Variants in ZFHX3 observed in about 807,000 individuals in gnomAD.
ZFHX3 encodes zinc finger homeobox protein 3.
ZFHX3 carries 42 observed loss-of-function variants against 279.1 expected under a neutral mutation model. The ratio of observed to expected loss-of-function variants is 0.15; its 90% CI spans 0.12 to 0.19. The LOEUF is 0.19. ZFHX3 is among the 10% of genes least tolerant of loss of function. The pLI is 1.00. For missense variants in ZFHX3, 4,981 were observed against 4,754.0 expected (o/e 1.05, Z -1.40); for synonymous variants, 2,293 against 1,957.8 (o/e 1.17, Z -4.52).
chr16:73,682,888 A>AAGAGAAAGAAAGAAAGAGAGAAAGAAAG (rs1164488909), intron 1 of ZFHX3, among the ~76,000 whole-genome samples: 1 of 27,528 alleles, frequency 3.6e-5, no homozygotes, highest in African/African-American at 1.1e-4. Context: ...GAAAGAAAGA[A>AAGAGAAAGAAAGAAAGAGAGAAAGAAAG]AGAAAGAAAG....
intron 5 of ZFHX3, among the ~76,000 whole-genome samples, chr16:73,183,052 A>G (rs1456638723): frequency 6.6e-6 from 1 of 152,066 alleles, no homozygotes; most frequent in Non-Finnish European, 1.5e-5. Flanking sequence ...TAAAAATACA[A>G]AATTTAGCGG....
intron 2 of ZFHX3, among the ~76,000 whole-genome samples, chr16:73,485,021 A>G (rs1393561778): frequency 6.6e-6 from 1 of 152,226 alleles, no homozygotes; most frequent in African/African-American, 2.4e-5. Flanking sequence ...CAGAGACACG[A>G]CTATAAAAGG....
At chr16:73,336,984 C>T (rs2015925508) in intron 3 of ZFHX3, among the ~76,000 whole-genome samples, 1 of 152,156 alleles carries the variant, frequency 6.6e-6, no homozygotes, top group African/African-American at 2.4e-5. Flanking sequence ...CTACAAGGTT[C>T]CCTGGACTCC....
chr16:73,115,654 G>A (rs567813535), intron 7 of ZFHX3, among the ~76,000 whole-genome samples: 1 of 152,272 alleles, frequency 6.6e-6, no homozygotes, highest in African/African-American at 2.4e-5. Context: ...CTCCTCAAGG[G>A]CAGGCGTAGG....
At chr16:73,118,005 C>T (rs1966451817) in intron 7 of ZFHX3, among the ~76,000 whole-genome samples, 1 of 152,170 alleles carries the variant, frequency 6.6e-6, no homozygotes, top group African/African-American at 2.4e-5. Flanking sequence ...TTTGTTATGG[C>T]AGCCTGAACT....
At chr16:72,996,117 CA>C (rs1294008529) in intron 1 of ZFHX3, among the ~76,000 whole-genome samples, 1 of 151,754 alleles carries the variant, frequency 6.6e-6, no homozygotes, top group African/African-American at 2.4e-5. Context: ...AACACACACA[CA>C]CACACACACA....
chr16:73,682,773 G>C (rs193014796), intron 1 of ZFHX3, among the ~76,000 whole-genome samples: 1,480 of 146,958 alleles, frequency 0.01, 35 homozygotes, highest in African/African-American at 0.037. Context: ...GGCAACAAGA[G>C]TGAAACTTCA....
chr16:73,889,599 G>T (rs2030461669), intron 1 of ZFHX3, among the ~76,000 whole-genome samples: 3 of 151,948 alleles, frequency 2.0e-5, no homozygotes, highest in Admixed American at 2.0e-4. Flanking sequence ...ATAATGAACC[G>T]CATTGTTTTA....
chr16:73,881,486 C>CCCCCA (rs1555506570), intron 1 of ZFHX3, among the ~76,000 whole-genome samples: 1 of 80,688 alleles, frequency 1.2e-5, no homozygotes, highest in Non-Finnish European at 3.4e-5. Context: ...CTCTGCCCCC[C>CCCCCA]CCCCCCACTC....
chr16:73,432,765 C>T (rs1019422627), intron 3 of ZFHX3, among the ~76,000 whole-genome samples: 31 of 139,242 alleles, frequency 2.2e-4, no homozygotes, highest in African/African-American at 6.9e-4. Flanking sequence ...ATCTTAGAAT[C>T]GCTCTGTGTG....
In ZFHX3 at chr16:72,849,291, G is replaced by A. The variant is rs923950533; in HGVS notation, c.3449-19432C>T. On this transcript the variant is annotated intron_variant, in intron 4 of 9. Transcript: ENST00000268489. Reference sequence around the variant, plus strand: ...TGCGTGGGAAAGCTCTGCAGCCAGAGGAGCTGCAAGAGAAAAACGTGGCTT... The same window carrying A: ...TGCGTGGGAAAGCTCTGCAGCCAGAAGAGCTGCAAGAGAAAAACGTGGCTT... Among the ~76,000 whole-genome samples, 11 of 152,278 alleles carry A rather than the reference G, an allele frequency of 7.2e-5. No individual in the cohort carries two copies. In the East Asian group the frequency reaches 1.2e-3, roughly 16 times the overall value.
Position 73,227,848 on chromosome 16 carries a change from C to CAAAAAAAAAAAA in ZFHX3, c.-1104+29187_-1104+29198dup, listed in dbSNP as rs398029895. ...TGAGCAACAGAGCAAGATTCTGTCT[C>CAAAAAAAAAAAA]AAAAAAAAAAAAAAAAAAAAAAAAA... is the stretch of plus-strand genomic sequence containing the variant. On this transcript the variant is annotated intron_variant, in intron 5 of 17. Coordinates refer to the ZFHX3 transcript ENST00000641206. Among the ~76,000 whole-genome samples the CAAAAAAAAAAAA allele has an allele frequency of 7.6e-4, 35 of 46,060 alleles. 3 individuals are homozygous for CAAAAAAAAAAAA. The highest frequency in any genetic ancestry group is 3.4e-3 in the African/African-American group (32 of 9,452). 30.2% of individuals were successfully genotyped at this position (46,060 alleles called of 152,430 possible). A position where few individuals can be genotyped will look rare whatever the true frequency, so the allele number is the denominator to read the frequency against.
rs147399995 is a variant in ZFHX3, at chr16:73,273,215, C to T, written c.-1193-16079G>A. Among the ~76,000 whole-genome samples, 6 of 152,068 alleles carry T rather than the reference C, an allele frequency of 3.9e-5. No homozygotes were observed. The East Asian group carries it at 9.7e-4, about 24-fold the overall frequency. On this transcript the variant is annotated intron_variant, in intron 4 of 17. Transcript: ENST00000641206. ...TGCTACAAGGAGGAAGTGCAGATAG[C>T]AATAAGACTTCTAACAAAAAAGCAT...
intron 3 of ZFHX3, among the ~76,000 whole-genome samples, chr16:73,359,360 CT>C (rs1322167330): frequency 6.6e-6 from 1 of 151,996 alleles, no homozygotes; most frequent in Non-Finnish European, 1.5e-5. Flanking sequence ...GGGCAAGAGG[CT>C]TGGCTGGAGT....
In ZFHX3 at chr16:72,935,669, G is replaced by T. The variant is rs370429244; in HGVS notation, c.3216+14800C>A. ...GAATCGCTTGAACTCGGGAGGGGGGGGTTGCAGTGAGCTGAGATCACGCCA... is the reference window on the plus strand; with the variant it reads ...GAATCGCTTGAACTCGGGAGGGGGGTGTTGCAGTGAGCTGAGATCACGCCA... On this transcript the variant is annotated intron_variant, in intron 3 of 9. Transcript: ENST00000268489. 1.8e-4 allele frequency among the ~76,000 whole-genome samples: 28 copies of T among 151,926 alleles called. No individual in the cohort carries two copies. In the East Asian group the frequency reaches 1.9e-3, roughly 11 times the overall value.
intron 1 of ZFHX3, among the ~76,000 whole-genome samples, chr16:73,746,580 C>T (rs142147037): frequency 6.5e-4 from 99 of 152,244 alleles, no homozygotes; most frequent in African/African-American, 2.2e-3. Flanking sequence ...TGTCCTGTGA[C>T]GAGTGGGAGT....
At chr16:72,963,718 G>A (rs545834913) in intron 1 of ZFHX3, among the ~76,000 whole-genome samples, 2 of 152,258 alleles carry the variant, frequency 1.3e-5, no homozygotes, top group Middle Eastern at 3.4e-3. Context: ...ATGTGCTGAT[G>A]ACAGTTTTAT....
intron 1 of ZFHX3, among the ~76,000 whole-genome samples, chr16:73,880,395 A>G (rs2030105461): frequency 6.6e-6 from 1 of 152,146 alleles, no homozygotes; most frequent in Non-Finnish European, 1.5e-5. Flanking sequence ...TTTTCCCTAT[A>G]ACAGGAAATC....
In ZFHX3 at chr16:73,790,298, T is replaced by C. The variant is rs529394265; in HGVS notation, c.-1608+101353A>G. Among the ~76,000 whole-genome samples the C allele has an allele frequency of 3.3e-5, 5 of 152,004 alleles. No homozygotes were observed. The South Asian group carries it at 8.3e-4, about 25-fold the overall frequency. On this transcript the variant is annotated intron_variant, in intron 1 of 17. Coordinates refer to the ZFHX3 transcript ENST00000641206. ...TTTTTTCATTTTTGGAAACCGTCAT[T>C]ATAGAGAAAAAGTGGCACTAGATAC...
Sources: allele counts gnomAD v4.1 joint callset (sites outside exome capture counted in the v4.1 genomes callset), GRCh38; gene constraint gnomAD v4.1.1; transcripts MANE v1.5; gene names NCBI Gene and HGNC (gene_info 2026-07-23, HGNC 2026-07-21).